PALM2AKAP2: variants seen among roughly 807,000 people sequenced by gnomAD.
PALM2AKAP2 encodes PALM2 and AKAP2 fusion, also known as PALM2-AKAP2 fusion protein.
A neutral mutation model predicts 71.5 loss-of-function variants in PALM2AKAP2; 37 were observed. The ratio of observed to expected loss-of-function variants is 0.52; its 90% CI spans 0.40 to 0.68. The LOEUF is 0.68. PALM2AKAP2 is among the 30% of genes least tolerant of loss of function. PALM2AKAP2 has a pLI of 0.00. For missense variants in PALM2AKAP2, 1,224 were observed against 1,191.8 expected (o/e 1.03, Z -0.40); for synonymous variants, 468 against 478.8 (o/e 0.98, Z 0.29).
intron 2 of PALM2AKAP2, among the ~76,000 whole-genome samples, chr9:110,139,054 T>C (rs554446913): frequency 7.9e-5 from 12 of 152,308 alleles, no homozygotes; most frequent in Middle Eastern, 3.4e-3. Flanking sequence ...GCAAAATGCT[T>C]TTGTTCATCT....
Position 110,070,963 on chromosome 9 carries a change from A to T in PALM2AKAP2, c.156+22108A>T, listed in dbSNP as rs1013127515. ...GATCACTTGAAGTCAGGAGTTCAAG[A>T]CCAGCCTGGCCAACGTGGTGAAACC... On this transcript the variant is annotated intron_variant, in intron 1 of 3. Transcript: ENST00000374525. 1.3e-3 allele frequency among the ~76,000 whole-genome samples: 199 copies of T among 152,070 alleles called. 1 individual carries two copies. Among genetic ancestry groups the T allele is most frequent in the African/African-American group, 4.7e-3 (194 of 41,464 alleles).
At chr9:109,768,193 G>A (rs1202997885) in intron 1 of PALM2AKAP2, among the ~76,000 whole-genome samples, 2 of 151,620 alleles carry the variant, frequency 1.3e-5, no homozygotes, top group East Asian at 3.9e-4. Flanking sequence ...AGTAAAGCAG[G>A]CAGGCAGGGA....
chr9:110,018,952 C>T (rs1347310786), intron 7 of PALM2AKAP2, among the ~76,000 whole-genome samples: 1 of 151,988 alleles, frequency 6.6e-6, no homozygotes, highest in Non-Finnish European at 1.5e-5. Flanking sequence ...GATGAGATAC[C>T]ATCTCACGAC....
intron 1 of PALM2AKAP2, among the ~76,000 whole-genome samples, chr9:110,068,753 G>A (rs997498531): frequency 2.0e-5 from 3 of 152,100 alleles, no homozygotes; most frequent in African/African-American, 7.2e-5. Flanking sequence ...GACTGGTCTC[G>A]AACTCCTGGC....
At chr9:109,705,529 A>G (rs888423507) in intron 1 of PALM2AKAP2, among the ~76,000 whole-genome samples, 1 of 152,096 alleles carries the variant, frequency 6.6e-6, no homozygotes, top group Non-Finnish European at 1.5e-5. Flanking sequence ...CTTTTGACCC[A>G]TTCACTCCAA....
At chr9:110,059,535 T>C (rs1833916816) in intron 1 of PALM2AKAP2, among the ~76,000 whole-genome samples, 1 of 152,222 alleles carries the variant, frequency 6.6e-6, no homozygotes, top group South Asian at 2.1e-4. Flanking sequence ...ATAAAATCTT[T>C]TTGCAATTTC....
chr9:109,961,690 A>G (rs1831853887), intron 6 of PALM2AKAP2, among the ~76,000 whole-genome samples: 1 of 152,134 alleles, frequency 6.6e-6, no homozygotes, highest in Non-Finnish European at 1.5e-5. Flanking sequence ...CTTTCCTTTT[A>G]TTGATGCCTT....
chr9:110,114,921 G>A (rs563759394), intron 1 of PALM2AKAP2, among the ~76,000 whole-genome samples: 4 of 152,260 alleles, frequency 2.6e-5, no homozygotes, highest in Admixed American at 6.5e-5. Flanking sequence ...GGTAGTAGTC[G>A]GTTTCGTTTG....
chr9:109,745,546 A>G (rs74518298), intron 1 of PALM2AKAP2, among the ~76,000 whole-genome samples: 6,451 of 151,862 alleles, frequency 0.042, 188 homozygotes, highest in Non-Finnish European at 0.053. Flanking sequence ...CAGCCAGAAT[A>G]TACACACACA....
At chr9:109,967,337 G>T (rs1831970860) in intron 6 of PALM2AKAP2, among the ~76,000 whole-genome samples, 1 of 151,936 alleles carries the variant, frequency 6.6e-6, no homozygotes. Flanking sequence ...CATCGCTTCT[G>T]CCACCTTCTA....
intron 3 of PALM2AKAP2, among the ~76,000 whole-genome samples, chr9:109,908,369 C>A (rs1428636887): frequency 6.6e-6 from 1 of 152,208 alleles, no homozygotes; most frequent in Non-Finnish European, 1.5e-5. Context: ...GCAGGACACA[C>A]TGCAGGGTAG....
At chr9:109,883,272 T>C (rs927531189) in intron 3 of PALM2AKAP2, among the ~76,000 whole-genome samples, 1 of 152,204 alleles carries the variant, frequency 6.6e-6, no homozygotes, top group Non-Finnish European at 1.5e-5. Flanking sequence ...ACTCAATGTA[T>C]GCAGGCAGTC....
At chr9:110,099,530 T>TGAACTTGAAGCAC (rs1475070111) in intron 1 of PALM2AKAP2, among the ~76,000 whole-genome samples, 1 of 152,194 alleles carries the variant, frequency 6.6e-6, no homozygotes, top group Non-Finnish European at 1.5e-5. Flanking sequence ...TTCCCTAAGA[T>TGAACTTGAAGCAC]GAACTTGAAG....
chr9:110,031,477 C>T (rs1013585370), intron 7 of PALM2AKAP2, among the ~76,000 whole-genome samples: 3 of 152,114 alleles, frequency 2.0e-5, no homozygotes, highest in Non-Finnish European at 4.4e-5. Flanking sequence ...TAGTGAAATT[C>T]GGTTTAATAA....
At chr9:109,862,064 G>C (rs1829325316) in intron 1 of PALM2AKAP2, among the ~76,000 whole-genome samples, 1 of 152,182 alleles carries the variant, frequency 6.6e-6, no homozygotes, top group Non-Finnish European at 1.5e-5. Context: ...TAGTTTGTTA[G>C]AGAGAGAAGA....
chr9:110,165,917 G>A (rs1355913578), intron 3 of PALM2AKAP2, among the ~76,000 whole-genome samples: 1 of 152,068 alleles, frequency 6.6e-6, no homozygotes, highest in Non-Finnish European at 1.5e-5. Flanking sequence ...ATTAAAATAG[G>A]GTTTAAATAA....
intron 1 of PALM2AKAP2, among the ~76,000 whole-genome samples, chr9:109,723,716 G>C (rs186738391): frequency 6.6e-6 from 1 of 152,318 alleles, no homozygotes; most frequent in African/African-American, 2.4e-5. Context: ...TATGGCTGAA[G>C]TACACAGCAC....
chr9:109,918,770 C>A (rs1399903787), intron 3 of PALM2AKAP2, among the ~76,000 whole-genome samples: 1 of 152,218 alleles, frequency 6.6e-6, no homozygotes, highest in South Asian at 2.1e-4. Flanking sequence ...TGGCCCAAGG[C>A]CACATGTGAA....
chr9:109,700,108 G>A (rs1259136712), intron 1 of PALM2AKAP2, among the ~76,000 whole-genome samples: 2 of 152,078 alleles, frequency 1.3e-5, no homozygotes, highest in African/African-American at 4.8e-5. Flanking sequence ...TGTACCAAAT[G>A]GGAAGGAAGA....
Sources: gnomAD v4.1 joint callset for allele counts (sites outside exome capture counted in the v4.1 genomes callset) on GRCh38, gnomAD v4.1.1 for gene constraint, MANE v1.5 for transcripts, NCBI Gene and HGNC (gene_info 2026-07-23, HGNC 2026-07-21) for gene names.